NEGR1: variants seen among roughly 807,000 people sequenced by gnomAD.
NEGR1 encodes IgLON family member 4.
NEGR1 carries 10 observed loss-of-function variants against 40.9 expected under a neutral mutation model. The ratio of observed to expected loss-of-function variants is 0.24; its 90% CI spans 0.15 to 0.42. The LOEUF (loss-of-function observed/expected upper bound fraction) is 0.42, where lower values mean the gene tolerates loss of function less well. Ranked by LOEUF, NEGR1 falls within the 10% of genes least tolerant of loss-of-function variation. NEGR1 has a pLI of 1.00. For synonymous variants in NEGR1, 185 were observed against 166.8 expected, an observed-to-expected ratio of 1.11 and a Z score of -0.84; for missense variants, 352 against 438.9, an observed-to-expected ratio of 0.80 and a Z score of 1.77.
rs1203409527 is a variant in NEGR1, at chr1:72,045,844, T to C, written c.177-110533A>G. On this transcript the variant is annotated intron_variant, in intron 1 of 6. Transcript: ENST00000357731. Reference sequence around the variant, plus strand: ...AATTAGAAAAAAATATGTAGTTTCATATGGAGTTATCTACAGAAATTTCGA... The same window carrying C: ...AATTAGAAAAAAATATGTAGTTTCACATGGAGTTATCTACAGAAATTTCGA... 2.6e-5 allele frequency among the ~76,000 whole-genome samples: 4 copies of C among 151,880 alleles called. No individual in the cohort carries two copies. In the East Asian group the frequency reaches 7.8e-4, roughly 29 times the overall value.
chr1:72,065,061 G>A (rs567167673), intron 1 of NEGR1, among the ~76,000 whole-genome samples: 1 of 151,876 alleles, frequency 6.6e-6, no homozygotes, highest in Non-Finnish European at 1.5e-5. Context: ...CTCTTATTTT[G>A]ATATGTAAGG....
intron 6 of NEGR1, among the ~76,000 whole-genome samples, chr1:71,504,571 G>T (rs1344915373): frequency 1.3e-5 from 2 of 152,124 alleles, no homozygotes; most frequent in African/African-American, 2.4e-5. Flanking sequence ...TGAAGACTAG[G>T]GGCTTCAGGG....
intron 4 of NEGR1, among the ~76,000 whole-genome samples, chr1:71,648,189 C>T (rs1651595817): frequency 6.6e-6 from 1 of 151,900 alleles, no homozygotes; most frequent in Non-Finnish European, 1.5e-5. Context: ...CAATTTTGCT[C>T]AGAAAATTCA....
At chr1:72,074,524 T>C (rs2100515949) in intron 1 of NEGR1, among the ~76,000 whole-genome samples, 1 of 152,200 alleles carries the variant, frequency 6.6e-6, no homozygotes, top group African/African-American at 2.4e-5. Context: ...GTCATGGCAC[T>C]GAAAAAGGAC....
intron 1 of NEGR1, among the ~76,000 whole-genome samples, chr1:72,098,004 T>G (rs902035474): frequency 6.6e-6 from 1 of 152,186 alleles, no homozygotes; most frequent in Non-Finnish European, 1.5e-5. Context: ...GGCTCCTGGC[T>G]TAAAACCTCT....
rs563648066 is a variant in NEGR1, at chr1:72,052,204, G to A, written c.177-116893C>T. On this transcript the variant is annotated intron_variant, in intron 1 of 6. Transcript: ENST00000357731. ...TTTCAAATGCTATAGAAAGTGCTTC[G>A]TCAGGGTTGATAGTGACAAAGCCTT... 1.4e-4 allele frequency among the ~76,000 whole-genome samples: 21 copies of A among 151,512 alleles called. No individual in the cohort carries two copies. The South Asian group carries it at 4.0e-3, about 29-fold the overall frequency.
chr1:72,150,849 A>C (rs1183578525), intron 1 of NEGR1, among the ~76,000 whole-genome samples: 1 of 152,080 alleles, frequency 6.6e-6, no homozygotes, highest in African/African-American at 2.4e-5. Context: ...CTACAACTTG[A>C]AAAACAAAAA....
chr1:71,564,721 T>C (rs1418964240), intron 6 of NEGR1, among the ~76,000 whole-genome samples: 1 of 152,110 alleles, frequency 6.6e-6, no homozygotes. Flanking sequence ...TATAAAATTG[T>C]CAAAGCAACT....
At chr1:72,095,658 T>C (rs1033657723) in intron 1 of NEGR1, among the ~76,000 whole-genome samples, 1 of 152,106 alleles carries the variant, frequency 6.6e-6, no homozygotes, top group Non-Finnish European at 1.5e-5. Context: ...TATATTTTTT[T>C]AAACTTAAAA....
chr1:71,987,905 G>A (rs1418223633), intron 1 of NEGR1, among the ~76,000 whole-genome samples: 4 of 151,620 alleles, frequency 2.6e-5, no homozygotes, highest in Non-Finnish European at 5.9e-5. Flanking sequence ...TACGGAATTT[G>A]AAAGAGGAGC....
intron 2 of NEGR1, among the ~76,000 whole-genome samples, chr1:71,871,384 T>C (rs1045598879): frequency 6.6e-6 from 1 of 152,150 alleles, no homozygotes; most frequent in Admixed American, 6.5e-5. Context: ...GACTACAATG[T>C]TTCAGGATAA....
intron 1 of NEGR1, among the ~76,000 whole-genome samples, chr1:72,110,767 C>T (rs780223231): frequency 2.6e-5 from 4 of 151,528 alleles, no homozygotes; most frequent in South Asian, 2.1e-4. Context: ...CTTGTTTTCA[C>T]GACTTTTTAC....
chr1:71,992,453 T>C (rs1215288461), intron 1 of NEGR1, among the ~76,000 whole-genome samples: 1 of 138,906 alleles, frequency 7.2e-6, no homozygotes, highest in East Asian at 2.1e-4. Context: ...GCCACACATG[T>C]AGTTTGAAAA....
chr1:71,557,045 C>A (rs1002666169), intron 6 of NEGR1, among the ~76,000 whole-genome samples: 1 of 151,576 alleles, frequency 6.6e-6, no homozygotes, highest in Non-Finnish European at 1.5e-5. Context: ...TAGAAACATT[C>A]TATGGATTTA....
At chr1:71,446,527 T>A (rs1646583632) in intron 6 of NEGR1, among the ~76,000 whole-genome samples, 1 of 152,196 alleles carries the variant, frequency 6.6e-6, no homozygotes, top group South Asian at 2.1e-4. Context: ...AAACTCACAA[T>A]GTTTTACATA....
At chr1:71,705,937 C>T (rs1182348896) in intron 3 of NEGR1, among the ~76,000 whole-genome samples, 1 of 35,826 alleles carries the variant, frequency 2.8e-5, no homozygotes, top group African/African-American at 4.4e-5. Context: ...TAGAAAGCTC[C>T]AGGCATCATT....
chr1:71,693,119 A>G (rs1653350252), intron 4 of NEGR1, among the ~76,000 whole-genome samples: 1 of 151,606 alleles, frequency 6.6e-6, no homozygotes, highest in Non-Finnish European at 1.5e-5. Flanking sequence ...CTGCATCTCA[A>G]TTTTCTTATC....
intron 6 of NEGR1, among the ~76,000 whole-genome samples, chr1:71,436,295 A>G (rs1646509378): frequency 6.6e-6 from 1 of 152,162 alleles, no homozygotes; most frequent in Non-Finnish European, 1.5e-5. Flanking sequence ...TTAAGAACTA[A>G]TAGATATCAT....
chr1:72,217,414 CT>C (rs1202373010), intron 1 of NEGR1, among the ~76,000 whole-genome samples: 3 of 151,558 alleles, frequency 2.0e-5, no homozygotes, highest in African/African-American at 7.2e-5. Flanking sequence ...TCTTGAGTGG[CT>C]TTTTTTAAGC....
Sources: gnomAD v4.1 joint callset for allele counts (sites outside exome capture counted in the v4.1 genomes callset) on GRCh38, gnomAD v4.1.1 for gene constraint, MANE v1.5 for transcripts, NCBI Gene and HGNC (gene_info 2026-07-23, HGNC 2026-07-21) for gene names.